The following HIP1 variants were observed in gnomAD, a reference collection of about 807,000 sequenced individuals.
HIP1 encodes the protein huntingtin-interacting protein 1.
HIP1 carries 65 observed loss-of-function variants against 147.6 expected under a neutral mutation model. The ratio of observed to expected loss-of-function variants is 0.44; its 90% CI spans 0.36 to 0.54. HIP1 has a LOEUF of 0.54. Among genes scored for constraint, HIP1 ranks in the 20% least tolerant of loss-of-function variants. The pLI is 0.00. For synonymous variants in HIP1, 479 were observed against 504.0 expected, an observed-to-expected ratio of 0.95 and a Z score of 0.67; for missense variants, 1,061 against 1,299.6, an observed-to-expected ratio of 0.82 and a Z score of 2.82.
chr7:75,703,631 C>T (rs992780386), intron 1 of HIP1, among the ~76,000 whole-genome samples: 6 of 151,410 alleles, frequency 4.0e-5, no homozygotes, highest in Non-Finnish European at 8.8e-5. Flanking sequence ...AAACAACACA[C>T]ACAAAACAAA....
At chr7:75,555,374 G>A (rs935313065) in intron 19 of HIP1, 42 bp downstream of exon 19, 15 of 1,610,484 alleles carry the variant, frequency 9.3e-6, no homozygotes, top group Non-Finnish European at 1.3e-5. Flanking sequence ...GTCTCAGGCT[G>A]TAAGGACCTG....
intron 27 of HIP1, among the ~76,000 whole-genome samples, chr7:75,543,910 C>T (rs587604733): frequency 1.3e-5 from 2 of 152,250 alleles, no homozygotes; most frequent in South Asian, 2.1e-4. Context: ...TGGTGGCTCA[C>T]GCCTGTAATC....
rs140053988 is a variant in HIP1 at position 75,568,866 on chromosome 7, G to A, written c.746-610C>T. Among the ~76,000 whole-genome samples the A allele has an allele frequency of 0.056, 8,528 of 152,218 alleles. 261 individuals are homozygous for A. Among genetic ancestry groups the A allele is most frequent in the Middle Eastern group, 0.082 (24 of 294 alleles). ...TCTACTAAAAATACAGAAATTAGCCGGGCGCGGTGGCATGCGCCTGTAATC... is the reference window on the plus strand; with the variant it reads ...TCTACTAAAAATACAGAAATTAGCCAGGCGCGGTGGCATGCGCCTGTAATC... On this transcript the variant is annotated intron_variant, in intron 8 of 30. Coordinates refer to ENST00000336926, the MANE Select transcript of HIP1 (RefSeq NM_005338.7). The surrounding 1 kb of genome is among the most constrained non-coding windows in gnomAD (Gnocchi z 4.1).
At position 75,592,394 on chromosome 7, in the gene HIP1, A is replaced by T; in HGVS notation, c.305T>A (p.Leu102His). The T allele has an allele frequency of 6.2e-7, 1 of 1,609,942 alleles. No homozygotes were observed. Among genetic ancestry groups the T allele is most frequent in the Non-Finnish European group, 8.5e-7 (1 of 1,178,866 alleles). Residue 102 changes from leucine (L) to histidine (H), a missense_variant, in exon 3 of 31, where the codon CTC (leucine) becomes CAC (histidine). Around this residue, in one of 3 missense-constraint regions of HIP1, gnomAD observed 225 missense variants for 292.9 expected, o/e 0.77. Coordinates refer to ENST00000336926, the MANE Select transcript of HIP1 (RefSeq NM_005338.7). The stretch of plus-strand genomic sequence containing the variant: ...CACGTTCGGGTGTCCATCTCGGAGG[A>T]GTTTGTGGAACACATGGCAGAACTT... ...CWKFCHVFHKLLRDGHPNVLK... is the reference protein window; with the variant it reads ...CWKFCHVFHKHLRDGHPNVLK...
chr7:75,632,034 C>A (rs117032011), intron 1 of HIP1, among the ~76,000 whole-genome samples: 1 of 152,136 alleles, frequency 6.6e-6, no homozygotes, highest in Non-Finnish European at 1.5e-5. Context: ...AAGTGCAACT[C>A]GGAGGGGCCT....
Position 75,664,129 on chromosome 7 carries a change from CATGTGTGTACATACATACATGT to C in HIP1, c.121-64904_121-64883del, listed in dbSNP as rs1799447705. Among the ~76,000 whole-genome samples, 3 of 38,960 alleles carry C rather than the reference CATGTGTGTACATACATACATGT, an allele frequency of 7.7e-5. 1 individual carries two copies. In the South Asian group the frequency reaches 2.0e-3, roughly 26 times the overall value. The allele number at this position is 38,960 out of a possible 152,430, so 25.6% of individuals were successfully genotyped here. ...ATACATGTATGCATATATGCACACA[CATGTGTGTACATACATACATGT>C]ATGTGTGTATATTTACATACATATA... is the stretch of plus-strand genomic sequence containing the variant. On this transcript the variant is annotated intron_variant, in intron 1 of 30. Transcript: ENST00000336926.
intron 1 of HIP1, among the ~76,000 whole-genome samples, chr7:75,728,766 A>AGACACAGC (rs1280162453): frequency 1.5e-5 from 2 of 136,494 alleles, no homozygotes; most frequent in Admixed American, 8.2e-5. Context: ...CCAGCCTGGG[A>AGACACAGC]GACACAGCGA....
Position 75,537,975 on chromosome 7 carries a change from G to A in HIP1, c.*197C>T. 1 of 619,188 alleles carries A rather than the reference G, an allele frequency of 1.6e-6. No homozygotes were observed. Among genetic ancestry groups the A allele is most frequent in the Admixed American group, 2.8e-5 (1 of 35,806 alleles). The allele number at this position is 619,188 out of a possible 1,614,324, so 38.4% of individuals were successfully genotyped here. On this transcript the variant is annotated 3_prime_UTR_variant, in exon 31 of 31. Transcript: ENST00000336926. The stretch of plus-strand genomic sequence containing the variant: ...ACTAGGGAGGCGGGAAAAGAACAGA[G>A]ATGACCATGGGTCCAAACAGAAAGG...
At chr7:75,606,348 G>A (rs1584870794) in intron 1 of HIP1, among the ~76,000 whole-genome samples, 1 of 152,106 alleles carries the variant, frequency 6.6e-6, no homozygotes, top group Non-Finnish European at 1.5e-5. Flanking sequence ...AGGAGGCCGA[G>A]GGGGGCAGAT....
rs79342140 is a variant in HIP1 at position 75,537,251 on chromosome 7, C to T, written c.*921G>A. 2.0e-3 allele frequency: 470 copies of T among 232,842 alleles called. 2 individuals are homozygous for T. Among genetic ancestry groups the T allele is most frequent in the African/African-American group, 9.0e-3 (408 of 45,402 alleles). The allele number at this position is 232,842 out of a possible 1,614,324, so 14.4% of individuals were successfully genotyped here. A position where few individuals can be genotyped will look rare whatever the true frequency, so the allele number is the denominator to read the frequency against. On this transcript the variant is annotated 3_prime_UTR_variant, in exon 31 of 31. Transcript: ENST00000336926. ...TCTGTTGTCTTCTCCCTTGTAAAGG[C>T]GGACAGAGGCTTTCCGCCGGGATTC...
chr7:75,615,614 T>G (rs1797627753), intron 1 of HIP1, among the ~76,000 whole-genome samples: 1 of 151,958 alleles, frequency 6.6e-6, no homozygotes, highest in Non-Finnish European at 1.5e-5. Flanking sequence ...CTCCTTCCTG[T>G]CCTTTCCTTC....
chr7:75,558,110 G>A (rs1162336021), intron 15 of HIP1, 57 bp downstream of exon 15: 23 of 1,430,554 alleles, frequency 1.6e-5, no homozygotes, highest in African/African-American at 1.3e-4. Flanking sequence ...GGCCTGAGCC[G>A]CTCTCTCCCT....
intron 1 of HIP1, among the ~76,000 whole-genome samples, chr7:75,645,769 A>G (rs1401273693): frequency 4.6e-5 from 7 of 152,256 alleles, no homozygotes; most frequent in African/African-American, 1.7e-4. Context: ...ATAAAAAAGA[A>G]TGAAATCGTG....
At chr7:75,616,214 C>T (rs1283923488) in intron 1 of HIP1, among the ~76,000 whole-genome samples, 2 of 152,022 alleles carry the variant, frequency 1.3e-5, no homozygotes, top group African/African-American at 2.4e-5. Flanking sequence ...AAACCACCGC[C>T]CACCAGCCAA....
intron 1 of HIP1, among the ~76,000 whole-genome samples, chr7:75,609,903 C>CTTTT (rs56106169): frequency 3.8e-5 from 5 of 130,994 alleles, no homozygotes; most frequent in South Asian, 2.4e-4. Context: ...CTCTTCTTTT[C>CTTTT]TTTTTTTTTT....
chr7:75,593,736 A>G (rs1280996983), intron 2 of HIP1, among the ~76,000 whole-genome samples: 1 of 151,410 alleles, frequency 6.6e-6, no homozygotes, highest in Non-Finnish European at 1.5e-5. Flanking sequence ...TCCTCCAGGC[A>G]GCATCTCCCA....
chr7:75,562,900 G>A (rs369280495), intron 11 of HIP1, 35 bp downstream of exon 11: 144 of 1,611,650 alleles, frequency 8.9e-5, no homozygotes, highest in Non-Finnish European at 1.2e-4. Context: ...GCAGGTGAGA[G>A]GAAAGGCCAA....
intron 14 of HIP1, 141 bp from the exon 15 acceptor site, chr7:75,558,396 G>A (rs191263154): frequency 2.0e-5 from 14 of 689,842 alleles, no homozygotes; most frequent in Non-Finnish European, 3.1e-5. Flanking sequence ...GGGTGCAGTG[G>A]CACAATCACT....
rs999177268 is a variant in HIP1, at chr7:75,536,799, G to C, written c.*1373C>G. 1 of 229,898 alleles carries C rather than the reference G, an allele frequency of 4.3e-6. No individual in the cohort carries two copies. The allele number at this position is 229,898 out of a possible 1,614,324, so 14.2% of individuals were successfully genotyped here. A position where few individuals can be genotyped will look rare whatever the true frequency, so the allele number is the denominator to read the frequency against. ...CTGATTCTTGAAGGCTGATGTAGCC[G>C]GGCAGAAAGATGAGCCTTGCTAGAG... On this transcript the variant is annotated 3_prime_UTR_variant, in exon 31 of 31. Coordinates refer to ENST00000336926, the MANE Select transcript of HIP1 (RefSeq NM_005338.7).
Sources: allele counts gnomAD v4.1 joint callset (sites outside exome capture counted in the v4.1 genomes callset), GRCh38; gene constraint gnomAD v4.1.1; regional missense constraint gnomAD v4.1.1; non-coding constraint Gnocchi (gnomAD v3.1); transcripts MANE v1.5; gene names NCBI Gene and HGNC (gene_info 2026-07-23, HGNC 2026-07-21).